CNBD1: variants seen among roughly 807,000 people sequenced by gnomAD.
CNBD1 encodes the protein cyclic nucleotide-binding domain-containing protein 1.
In CNBD1, 71 loss-of-function variants were observed where a neutral mutation model predicts 54.4. That is an observed-to-expected ratio of 1.30 (90% CI 1.08 to 1.59). The LOEUF (loss-of-function observed/expected upper bound fraction) is 1.59. Ranked by LOEUF, CNBD1 falls within the 40% of genes most tolerant of loss-of-function variation. The probability of loss-of-function intolerance (pLI) is 0.00; values close to 1 mark genes in which losing one functional copy is unlikely to be tolerated. For missense variants in CNBD1, 659 were observed against 518.0 expected (o/e 1.27, Z -2.64); for synonymous variants, 182 against 170.7 (o/e 1.07, Z -0.51).
chr8:86,883,097 A>G (rs746628980), intron 1 of CNBD1, among the ~76,000 whole-genome samples: 5 of 152,174 alleles, frequency 3.3e-5, no homozygotes, highest in African/African-American at 2.4e-5. Context: ...GGGTGATGAA[A>G]TAATGCATAT....
intron 1 of CNBD1, among the ~76,000 whole-genome samples, chr8:86,870,973 C>T (rs1586100936): frequency 6.6e-6 from 1 of 152,120 alleles, no homozygotes; most frequent in African/African-American, 2.4e-5. Flanking sequence ...TTTTTTTCCT[C>T]ACCTTAATTT....
intron 6 of CNBD1, among the ~76,000 whole-genome samples, chr8:87,281,107 C>T (rs373281704): frequency 2.6e-5 from 4 of 151,422 alleles, no homozygotes; most frequent in Non-Finnish European, 3.0e-5. Flanking sequence ...CTGCAGTTTT[C>T]GGATATAACA....
At chr8:86,944,670 A>G (rs1807423487) in intron 4 of CNBD1, among the ~76,000 whole-genome samples, 1 of 152,224 alleles carries the variant, frequency 6.6e-6, no homozygotes, top group African/African-American at 2.4e-5. Flanking sequence ...GTCAAATGGG[A>G]GACCTGGTGG....
intron 8 of CNBD1, among the ~76,000 whole-genome samples, chr8:87,340,465 A>G (rs1427189905): frequency 6.6e-6 from 1 of 152,146 alleles, no homozygotes; most frequent in Admixed American, 6.5e-5. Flanking sequence ...GAAAGTTTTC[A>G]GCCCTTATGT....
intron 8 of CNBD1, among the ~76,000 whole-genome samples, chr8:87,336,441 C>T (rs1258405158): frequency 2.0e-5 from 3 of 151,936 alleles, no homozygotes; most frequent in East Asian, 3.9e-4. Flanking sequence ...CTTATTTCAG[C>T]CAGATGGTCT....
At chr8:87,361,709 TTCTTGTTC>T (rs1810527624) in intron 10 of CNBD1, among the ~76,000 whole-genome samples, 1 of 150,376 alleles carries the variant, frequency 6.6e-6, no homozygotes, top group Non-Finnish European at 1.5e-5. Flanking sequence ...TATATATATA[TTCTTGTTC>T]ACTACATAGA....
Position 86,932,651 on chromosome 8 carries a change from A to AT in CNBD1, c.273-6937dup, listed in dbSNP as rs540273938. 2.5e-3 allele frequency among the ~76,000 whole-genome samples: 382 copies of AT among 152,024 alleles called. 7 individuals are homozygous for AT. The South Asian group carries it at 0.035, about 14-fold the overall frequency. On this transcript the variant is annotated intron_variant, in intron 3 of 10. Coordinates refer to ENST00000518476, the MANE Select transcript of CNBD1 (RefSeq NM_173538.3). ...TAATTTATACTTCCCTTAGGTGGCC[A>AT]TTTTTTTTCCATCAGAGAGAGAATA...
intron 8 of CNBD1, among the ~76,000 whole-genome samples, chr8:87,323,512 C>A (rs1415396757): frequency 8.2e-6 from 1 of 121,438 alleles, no homozygotes; most frequent in South Asian, 2.4e-4. Context: ...TGAAGAGGTC[C>A]TTCACATCCC....
At chr8:87,049,108 C>T (rs974497759) in intron 4 of CNBD1, among the ~76,000 whole-genome samples, 7 of 152,128 alleles carry the variant, frequency 4.6e-5, no homozygotes, top group Non-Finnish European at 8.8e-5. Context: ...TGGAGCCCTC[C>T]CAGATTACAG....
chr8:87,356,847 A>G (rs1810429355), intron 10 of CNBD1, among the ~76,000 whole-genome samples: 1 of 152,120 alleles, frequency 6.6e-6, no homozygotes, highest in African/African-American at 2.4e-5. Context: ...GAAATCTTGA[A>G]GACAGCTCCT....
intron 8 of CNBD1, among the ~76,000 whole-genome samples, chr8:87,300,879 CT>C (rs1808974667): frequency 6.6e-6 from 1 of 151,946 alleles, no homozygotes; most frequent in Non-Finnish European, 1.5e-5. Flanking sequence ...CTAAAAATTT[CT>C]TTTGTACAAT....
At chr8:87,340,562 A>G (rs1810045653) in intron 8 of CNBD1, among the ~76,000 whole-genome samples, 2 of 152,082 alleles carry the variant, frequency 1.3e-5, no homozygotes. Flanking sequence ...TGATATCCAT[A>G]AATCATTTAA....
intron 8 of CNBD1, among the ~76,000 whole-genome samples, chr8:87,327,159 G>A (rs13272257): frequency 0.3 from 38,357 of 128,334 alleles, 5,346 homozygotes; most frequent in Middle Eastern, 0.38. Flanking sequence ...CAGTCTGCCC[G>A]TTCTCAGATC....
intron 6 of CNBD1, among the ~76,000 whole-genome samples, chr8:87,272,777 T>A (rs1808394100): frequency 6.6e-6 from 1 of 151,976 alleles, no homozygotes; most frequent in South Asian, 2.1e-4. Flanking sequence ...ATATAAAGTA[T>A]GCATTTAAAT....
intron 6 of CNBD1, among the ~76,000 whole-genome samples, chr8:87,274,387 A>G (rs1279391860): frequency 6.8e-6 from 1 of 146,296 alleles, no homozygotes; most frequent in Non-Finnish European, 1.5e-5. Flanking sequence ...AGTCCCACCA[A>G]CAGTGTAAAA....
intron 6 of CNBD1, among the ~76,000 whole-genome samples, chr8:87,250,878 A>G (rs1463714025): frequency 2.0e-5 from 3 of 152,174 alleles, no homozygotes; most frequent in African/African-American, 7.2e-5. Context: ...ACAAAACTAC[A>G]ATGGGATAGA....
chr8:87,119,380 A>G (rs1407148352), intron 4 of CNBD1, among the ~76,000 whole-genome samples: 1 of 150,972 alleles, frequency 6.6e-6, no homozygotes, highest in African/African-American at 2.4e-5. Context: ...TTTCTTGTCT[A>G]GATAATTATT....
At chr8:87,362,339 G>T (rs576846528) in intron 10 of CNBD1, among the ~76,000 whole-genome samples, 2 of 152,050 alleles carry the variant, frequency 1.3e-5, no homozygotes, top group Non-Finnish European at 2.9e-5. Context: ...GATAACTGAG[G>T]TTTTTCAATA....
intron 4 of CNBD1, among the ~76,000 whole-genome samples, chr8:87,117,294 G>A (rs1811792492): frequency 6.6e-6 from 1 of 151,652 alleles, no homozygotes; most frequent in Admixed American, 6.6e-5. Flanking sequence ...AGCTACTCAG[G>A]AGGCTGAGGG....
Sources: allele counts gnomAD v4.1 joint callset (sites outside exome capture counted in the v4.1 genomes callset), GRCh38; gene constraint gnomAD v4.1.1; transcripts MANE v1.5; gene names NCBI Gene and HGNC (gene_info 2026-07-23, HGNC 2026-07-21).